Variants in CACNA2D3 observed in about 807,000 individuals in gnomAD.
CACNA2D3 encodes the protein voltage-dependent calcium channel subunit alpha-2/delta-3.
Under a neutral mutation model 160.6 loss-of-function variants are expected in CACNA2D3, and 60 were observed. The ratio of observed to expected loss-of-function variants is 0.37; its 90% CI spans 0.30 to 0.46. The LOEUF is 0.46. CACNA2D3 is among the 20% of genes least tolerant of loss of function. The pLI is 1.00. For missense variants in CACNA2D3, 1,205 were observed against 1,365.0 expected, an observed-to-expected ratio of 0.88 and a Z score of 1.85; for synonymous variants, 558 against 492.9, an observed-to-expected ratio of 1.13 and a Z score of -1.75.
chr3:54,653,936 C>A (rs988733357), intron 11 of CACNA2D3, among the ~76,000 whole-genome samples: 3 of 152,154 alleles, frequency 2.0e-5, no homozygotes, highest in African/African-American at 7.2e-5. Context: ...AGGGAATCCT[C>A]TCCTCTGCTG....
chr3:54,649,167 GCTT>G (rs1344731243), intron 11 of CACNA2D3, among the ~76,000 whole-genome samples: 2 of 152,094 alleles, frequency 1.3e-5, no homozygotes, highest in Non-Finnish European at 2.9e-5. Context: ...CTCTCTCCTT[GCTT>G]CTTCATCAGT....
chr3:54,962,594 C>CT (rs1702056516), intron 27 of CACNA2D3, among the ~76,000 whole-genome samples: 1 of 152,184 alleles, frequency 6.6e-6, no homozygotes. Flanking sequence ...CGGTGCAACT[C>CT]TATTGGTGGA....
chr3:54,981,658 G>A (rs754586912), intron 29 of CACNA2D3, among the ~76,000 whole-genome samples: 2 of 152,190 alleles, frequency 1.3e-5, no homozygotes, highest in South Asian at 2.1e-4. Context: ...CGTAGTGACC[G>A]GGCTGGCTGG....
At chr3:54,436,649 A>T (rs1449225431) in intron 4 of CACNA2D3, among the ~76,000 whole-genome samples, 1 of 152,252 alleles carries the variant, frequency 6.6e-6, no homozygotes, top group Non-Finnish European at 1.5e-5. Flanking sequence ...TGAAGCTGGA[A>T]GCCATCATTC....
intron 2 of CACNA2D3, among the ~76,000 whole-genome samples, chr3:54,165,865 GTCACATCTTATCATTAATA>G (rs1383220395): frequency 6.6e-6 from 1 of 152,124 alleles, no homozygotes; most frequent in African/African-American, 2.4e-5. Context: ...TTGTCCCCTA[GTCACATCTTATCATTAATA>G]TATGATACCA....
intron 2 of CACNA2D3, among the ~76,000 whole-genome samples, chr3:54,158,252 C>G (rs542703171): frequency 1.3e-5 from 2 of 152,278 alleles, no homozygotes; most frequent in East Asian, 3.9e-4. Flanking sequence ...CAGCCAGATC[C>G]CCATACCTGC....
chr3:54,680,748 G>T (rs1051451258), intron 11 of CACNA2D3, among the ~76,000 whole-genome samples: 1 of 152,174 alleles, frequency 6.6e-6, no homozygotes, highest in East Asian at 1.9e-4. Flanking sequence ...CTTTCAGATT[G>T]CATTTAAGAC....
At chr3:54,757,808 A>G (rs1485809438) in intron 12 of CACNA2D3, among the ~76,000 whole-genome samples, 1 of 152,206 alleles carries the variant, frequency 6.6e-6, no homozygotes, top group Admixed American at 6.5e-5. Context: ...ACTGAGGCTG[A>G]GCAAGACTAG....
chr3:54,828,387 C>T (rs761065234), intron 14 of CACNA2D3, among the ~76,000 whole-genome samples: 44 of 152,178 alleles, frequency 2.9e-4, no homozygotes, highest in Non-Finnish European at 1.2e-4. Flanking sequence ...AAAGCGGTTT[C>T]CAAGACAGCT....
chr3:54,502,026 A>G (rs543497778), intron 4 of CACNA2D3, among the ~76,000 whole-genome samples: 79 of 152,226 alleles, frequency 5.2e-4, no homozygotes, highest in Non-Finnish European at 9.6e-4. Flanking sequence ...TACAGGTAAG[A>G]TTCTCCCACC....
intron 3 of CACNA2D3, among the ~76,000 whole-genome samples, chr3:54,358,347 A>C (rs898014815): frequency 1.3e-5 from 2 of 152,218 alleles, no homozygotes; most frequent in African/African-American, 4.8e-5. Flanking sequence ...TTCTTTGTGA[A>C]GAAGAATATA....
intron 25 of CACNA2D3, among the ~76,000 whole-genome samples, chr3:54,895,497 G>C (rs1318283480): frequency 6.6e-6 from 1 of 152,192 alleles, no homozygotes; most frequent in Non-Finnish European, 1.5e-5. Context: ...GGGAACCCTG[G>C]TTAGACACAC....
At chr3:54,626,480 T>C in intron 9 of CACNA2D3, 1 of 1,605,602 alleles carries the variant, frequency 6.2e-7, no homozygotes, top group South Asian at 1.1e-5. Flanking sequence ...CCCGAGATGG[T>C]GGGCAGCATG....
Position 54,263,546 on chromosome 3 carries a change from A to G in CACNA2D3, c.205-56896A>G, listed in dbSNP as rs1342842646. Among the ~76,000 whole-genome samples the G allele has an allele frequency of 3.9e-5, 6 of 152,192 alleles. No homozygotes were observed. The South Asian group carries it at 1.2e-3, about 31-fold the overall frequency. ...TGAGGTGGTGCATTGCCAGAGCCCA[A>G]GATCTGTTGGTTCTCTTAACTCCTA... is the stretch of plus-strand genomic sequence containing the variant. On this transcript the variant is annotated intron_variant, in intron 2 of 37. Coordinates refer to ENST00000474759, the MANE Select transcript of CACNA2D3 (RefSeq NM_018398.3).
chr3:54,518,891 G>GA (rs1298489613), intron 5 of CACNA2D3, among the ~76,000 whole-genome samples: 9 of 152,274 alleles, frequency 5.9e-5, no homozygotes, highest in African/African-American at 2.2e-4. Flanking sequence ...TAGAATATTT[G>GA]AAAATGACAT....
intron 5 of CACNA2D3, among the ~76,000 whole-genome samples, chr3:54,550,727 G>T (rs1575340077): frequency 6.6e-6 from 1 of 152,092 alleles, no homozygotes; most frequent in Admixed American, 6.5e-5. Flanking sequence ...CCTCCCCTTG[G>T]CTCATTTCCC....
At chr3:54,442,080 A>T (rs1396632775) in intron 4 of CACNA2D3, among the ~76,000 whole-genome samples, 1 of 152,162 alleles carries the variant, frequency 6.6e-6, no homozygotes, top group Non-Finnish European at 1.5e-5. Context: ...AGTAGCAAGG[A>T]CTATAGATGT....
chr3:54,813,680 C>G (rs561376475), intron 13 of CACNA2D3, among the ~76,000 whole-genome samples: 1 of 151,918 alleles, frequency 6.6e-6, no homozygotes, highest in Non-Finnish European at 1.5e-5. Context: ...GGACTTCACA[C>G]GTACATATGG....
intron 2 of CACNA2D3, among the ~76,000 whole-genome samples, chr3:54,227,511 G>A (rs1701694894): frequency 6.6e-6 from 1 of 151,430 alleles, no homozygotes; most frequent in Admixed American, 6.6e-5. Flanking sequence ...AATTTTGCAA[G>A]GGGACAAGAC....
Sources: allele counts gnomAD v4.1 joint callset (sites outside exome capture counted in the v4.1 genomes callset), GRCh38; gene constraint gnomAD v4.1.1; transcripts MANE v1.5; gene names NCBI Gene and HGNC (gene_info 2026-07-23, HGNC 2026-07-21).